The following STKLD1 variants were observed in gnomAD, a reference collection of about 807,000 sequenced individuals.
The protein encoded by STKLD1 is serine/threonine kinase-like domain-containing protein STKLD1.
Under a neutral mutation model 80.4 loss-of-function variants are expected in STKLD1, and 79 were observed. That is an observed-to-expected ratio of 0.98 (90% confidence interval 0.82 to 1.19). The LOEUF (loss-of-function observed/expected upper bound fraction) is 1.19, where lower values mean the gene tolerates loss of function less well. STKLD1 is among the 50% of genes most tolerant of loss of function. The pLI is 0.00. For missense variants in STKLD1, 841 were observed against 856.0 expected, an observed-to-expected ratio of 0.98 and a Z score of 0.22; for synonymous variants, 393 against 357.6, an observed-to-expected ratio of 1.10 and a Z score of -1.12.
rs782127711 is a variant in STKLD1 at position 133,394,440 on chromosome 9, A to G, written c.702+31A>G. 6.9e-7 allele frequency: 1 copy of G among 1,453,728 alleles called. No homozygotes were observed. Among genetic ancestry groups the G allele is most frequent in the African/African-American group, 1.5e-5 (1 of 67,034 alleles). 90.1% of individuals were successfully genotyped at this position (1,453,728 alleles called of 1,614,324 possible). A position where few individuals can be genotyped will look rare whatever the true frequency, so the allele number is the denominator to read the frequency against. On this transcript the variant is annotated intron_variant, in intron 8 of 17. Transcript: ENST00000371957. This position sits in a 1 kb window ranked among gnomAD's most constrained non-coding sequence, Gnocchi z 4.9. ...CCGCCCTCCCTCCCCCACACCCCACATGCTGTTCCCCACGCGCCCAGGCCT... is the reference window on the plus strand; with the variant it reads ...CCGCCCTCCCTCCCCCACACCCCACGTGCTGTTCCCCACGCGCCCAGGCCT...
At chr9:133,383,307 T>C (rs1255291381) in intron 2 of STKLD1, among the ~76,000 whole-genome samples, 1 of 470 alleles carries the variant, frequency 2.1e-3, no homozygotes, top group Non-Finnish European at 4.7e-3. Flanking sequence ...ATGGTGGTAA[T>C]GGTGGTGGTG....
chr9:133,391,715 CACAA>C (rs908993772), intron 7 of STKLD1, among the ~76,000 whole-genome samples: 1 of 151,746 alleles, frequency 6.6e-6, no homozygotes, highest in African/African-American at 2.4e-5. Context: ...TACCCAGGGA[CACAA>C]ACACTCTGCC....
Position 133,389,400 on chromosome 9 carries a change from C to A in STKLD1, c.397-126C>A. The A allele has an allele frequency of 6.8e-7, 1 of 1,479,118 alleles. No individual in the cohort carries two copies. Among genetic ancestry groups the A allele is most frequent in the South Asian group, 1.3e-5 (1 of 74,550 alleles). The allele number at this position is 1,479,118 out of a possible 1,614,324, so 91.6% of individuals were successfully genotyped here. A position where few individuals can be genotyped will look rare whatever the true frequency, so the allele number is the denominator to read the frequency against. ...TCCTCCACCCTGAGCGCTTGGCTGG[C>A]TTCAGGCCTGTCTCAAGATGCAAGG... On this transcript the variant is annotated intron_variant, in intron 5 of 17. Transcript: ENST00000371957. This position sits in a 1 kb window ranked among gnomAD's most constrained non-coding sequence, Gnocchi z 6.4.
chr9:133,398,884 G>A lies in STKLD1; in HGVS notation c.1081+829G>A, dbSNP rs970237340. On this transcript the variant is annotated intron_variant, in intron 11 of 17. Transcript: ENST00000371957. ...TTGTTTGTTTTTGAGACAGGGTCTC[G>A]CTCTGTCCCCCAGGCTGGAGTGCAG... Among the ~76,000 whole-genome samples the A allele has an allele frequency of 2.6e-5, 4 of 152,132 alleles. No individual in the cohort carries two copies. In the East Asian group the frequency reaches 5.8e-4, roughly 22 times the overall value.
At chr9:133,403,075 C>T in intron 14 of STKLD1, 63 bp downstream of exon 14, 1 of 1,502,772 alleles carries the variant, frequency 6.7e-7, no homozygotes, top group Non-Finnish European at 8.9e-7. Context: ...CCCTCCCTAA[C>T]TGCCCCTGAG....
Position 133,379,092 on chromosome 9 carries a change from G to T in STKLD1, c.144G>T (p.Met48Ile), listed in dbSNP as rs1434444898. The T allele has an allele frequency of 1.9e-6, 3 of 1,613,878 alleles. No homozygotes were observed. The highest frequency in any genetic ancestry group is 1.7e-5 in the Admixed American group (1 of 59,986). Residue 48 changes from methionine (M) to isoleucine (I), a missense_variant, in exon 2 of 18, where the codon ATG (methionine) becomes ATT (isoleucine). Transcript: ENST00000371957. The part of the protein sequence containing the change: ...ALGVNLVVEE[M>I]ETKVKHVIKQ... ...GGGTGAACCTGGTGGTGGAGGAAAT[G>T]GAAACCAAAGTCAAGCATGTGATAA... is the stretch of plus-strand genomic sequence containing the variant.
chr9:133,405,028 C>A lies in STKLD1; in HGVS notation c.1873+99C>A, dbSNP rs894519984. 9 of 1,497,832 alleles carry A rather than the reference C, an allele frequency of 6.0e-6. No individual in the cohort carries two copies. In the African/African-American group the frequency reaches 1.1e-4, roughly 19 times the overall value. 92.8% of individuals were successfully genotyped at this position (1,497,832 alleles called of 1,614,324 possible). ...AGGGAAGGAGCACATGGAAGGTGGG[C>A]TCAACCCCACTTCTCGGCCCACTTA... On this transcript the variant is annotated intron_variant, in intron 17 of 17. Coordinates refer to ENST00000371957, the MANE Select transcript of STKLD1 (RefSeq NM_153710.5).
intron 8 of STKLD1, among the ~76,000 whole-genome samples, chr9:133,395,228 C>G (rs1355234813): frequency 6.6e-6 from 1 of 152,160 alleles, no homozygotes; most frequent in Non-Finnish European, 1.5e-5. Context: ...TGAGAGCCTT[C>G]CCACTTCGGA....
chr9:133,392,306 A>G (rs945254045), intron 7 of STKLD1, among the ~76,000 whole-genome samples: 3 of 151,782 alleles, frequency 2.0e-5, no homozygotes, highest in Non-Finnish European at 4.4e-5. Flanking sequence ...TGACCTCATG[A>G]TCTGCCCACC....
In STKLD1 at chr9:133,404,784, C is replaced by T. The variant is rs1256855979; in HGVS notation, c.1733-5C>T. 2 of 1,612,224 alleles carry T rather than the reference C, an allele frequency of 1.2e-6. No individual in the cohort carries two copies. Among genetic ancestry groups the T allele is most frequent in the East Asian group, 2.2e-5 (1 of 44,740 alleles). On this transcript the variant is annotated splice_region_variant and splice_polypyrimidine_tract_variant and intron_variant, in intron 16 of 17. Coordinates refer to ENST00000371957, the MANE Select transcript of STKLD1 (RefSeq NM_153710.5). Reference sequence around the variant, plus strand: ...GGAATGAACCCACTCCCACCCATCCCCCAGAGCTGGCGGCCTTCAAGGTGG... The same window carrying T: ...GGAATGAACCCACTCCCACCCATCCTCCAGAGCTGGCGGCCTTCAAGGTGG...
At chr9:133,388,935 G>A in intron 5 of STKLD1, 1 of 985,382 alleles carries the variant, frequency 1.0e-6, no homozygotes, top group Non-Finnish European at 1.2e-6. Flanking sequence ...AAGTGCAGCA[G>A]ACCTACTCTA....
chr9:133,384,110 G>A lies in STKLD1; in HGVS notation c.219+210G>A, dbSNP rs2130272197. 1.7e-5 allele frequency: 10 copies of A among 575,632 alleles called. No individual in the cohort carries two copies. The highest frequency in any genetic ancestry group is 2.9e-5 in the East Asian group (1 of 34,630). The allele number at this position is 575,632 out of a possible 1,614,324, so 35.7% of individuals were successfully genotyped here. A position where few individuals can be genotyped will look rare whatever the true frequency, so the allele number is the denominator to read the frequency against. On this transcript the variant is annotated intron_variant, in intron 3 of 17. Transcript: ENST00000371957. This position sits in a 1 kb window ranked among gnomAD's most constrained non-coding sequence, Gnocchi z 4.3. Reference sequence around the variant, plus strand: ...ACACTCACTGCTAAATGCAGGTGCCGACAACTTAGAACATATGTTCCCAGA... The same window carrying A: ...ACACTCACTGCTAAATGCAGGTGCCAACAACTTAGAACATATGTTCCCAGA...
intron 7 of STKLD1, among the ~76,000 whole-genome samples, chr9:133,392,695 G>A (rs1304780239): frequency 0.021 from 2,173 of 103,726 alleles, 225 homozygotes; most frequent in Non-Finnish European, 0.025. Flanking sequence ...GAGTAGGTGA[G>A]TGGATGAGTG....
intron 2 of STKLD1, among the ~76,000 whole-genome samples, chr9:133,381,607 C>T (rs945359400): frequency 2.0e-5 from 3 of 151,262 alleles, no homozygotes; most frequent in African/African-American, 4.9e-5. Flanking sequence ...TGTGCCACCA[C>T]GCCCGGCTAA....
intron 1 of STKLD1, 105 bp downstream of exon 1, chr9:133,376,665 C>T (rs1351980739): frequency 9.7e-7 from 1 of 1,028,786 alleles, no homozygotes; most frequent in Non-Finnish European, 1.4e-6. Flanking sequence ...GGGCCCGCGC[C>T]CTGGCCAGTG....
At chr9:133,378,228 T>G (rs1217448090) in intron 1 of STKLD1, among the ~76,000 whole-genome samples, 1 of 152,190 alleles carries the variant, frequency 6.6e-6, no homozygotes, top group Non-Finnish European at 1.5e-5. Context: ...CAAGGCTGGA[T>G]TACAGACTCC....
chr9:133,395,855 C>A, intron 9 of STKLD1, 92 bp downstream of exon 9: 1 of 1,321,194 alleles, frequency 7.6e-7, no homozygotes, highest in Non-Finnish European at 1.1e-6. Flanking sequence ...GGCTTTGTAA[C>A]GCCTCAAAGA....
Position 133,406,033 on chromosome 9 carries a change from G to A in STKLD1, c.*612G>A, listed in dbSNP as rs932606777. The A allele has an allele frequency of 1.3e-5, 2 of 152,278 alleles. No homozygotes were observed. Among genetic ancestry groups the A allele is most frequent in the South Asian group, 2.1e-4 (1 of 4,834 alleles). The allele number at this position is 152,278 out of a possible 1,614,324, so 9.4% of individuals were successfully genotyped here. A position where few individuals can be genotyped will look rare whatever the true frequency, so the allele number is the denominator to read the frequency against. ...AGTCCTTCCAGACCATTCTAGATGA[G>A]AGTCAACACTGAGCCTCCACAGGCT... On this transcript the variant is annotated 3_prime_UTR_variant, in exon 18 of 18. Coordinates refer to ENST00000371957, the MANE Select transcript of STKLD1 (RefSeq NM_153710.5).
Position 133,394,253 on chromosome 9 carries a change from C to A in STKLD1, c.584-38C>A. The A allele has an allele frequency of 1.4e-6, 2 of 1,436,428 alleles. No individual in the cohort carries two copies. Among genetic ancestry groups the A allele is most frequent in the Non-Finnish European group, 2.0e-6 (2 of 1,018,152 alleles). The allele number at this position is 1,436,428 out of a possible 1,614,324, so 89.0% of individuals were successfully genotyped here. A position where few individuals can be genotyped will look rare whatever the true frequency, so the allele number is the denominator to read the frequency against. ...CTGTCAAGCCCCTGCCCCCAGGGAGCAAAGGACTCAGGGATCCCACCTTGC... is the reference window on the plus strand; with the variant it reads ...CTGTCAAGCCCCTGCCCCCAGGGAGAAAAGGACTCAGGGATCCCACCTTGC... On this transcript the variant is annotated intron_variant, in intron 7 of 17. Transcript: ENST00000371957. The surrounding 1 kb of genome is among the most constrained non-coding windows in gnomAD (Gnocchi z 4.9).
Sources: allele counts gnomAD v4.1 joint callset (sites outside exome capture counted in the v4.1 genomes callset), GRCh38; gene constraint gnomAD v4.1.1; non-coding constraint Gnocchi (gnomAD v3.1); transcripts MANE v1.5; gene names NCBI Gene and HGNC (gene_info 2026-07-23, HGNC 2026-07-21).